Variants in HIVEP2 observed in about 807,000 individuals in gnomAD.
HIVEP2 encodes the protein transcription factor HIVEP2.
Under a neutral mutation model 180.7 loss-of-function variants are expected in HIVEP2, and 14 were observed. The observed-to-expected ratio is 0.08, with a 90% CI of 0.05 to 0.12. HIVEP2 has a LOEUF of 0.12. Among genes scored for constraint, HIVEP2 ranks in the 10% least tolerant of loss-of-function variants. The pLI is 1.00. For synonymous variants in HIVEP2, 1,184 were observed against 1,136.4 expected (o/e 1.04, Z -0.84); for missense variants, 2,579 against 3,008.5 (o/e 0.86, Z 3.34).
chr6:142,889,462 TAAAC>T (rs1188491633), intron 1 of HIVEP2, among the ~76,000 whole-genome samples: 1 of 151,964 alleles, frequency 6.6e-6, no homozygotes, highest in African/African-American at 2.4e-5. Flanking sequence ...TGTCTCAAAA[TAAAC>T]AAACAAAGAA....
intron 2 of HIVEP2, among the ~76,000 whole-genome samples, chr6:142,788,988 G>T (rs967104367): frequency 1.3e-5 from 2 of 152,114 alleles, no homozygotes; most frequent in African/African-American, 4.8e-5. Flanking sequence ...AAATACATTT[G>T]TCAGATGAAA....
chr6:142,872,881 A>G (rs762563772), intron 1 of HIVEP2, among the ~76,000 whole-genome samples: 8 of 152,116 alleles, frequency 5.3e-5, no homozygotes, highest in Non-Finnish European at 8.8e-5. Flanking sequence ...TATTATCCCA[A>G]TGGTTAGCAC....
chr6:142,769,784 A>C lies in HIVEP2; in HGVS notation c.4955T>G (p.Leu1652Trp). The change falls in exon 5 of 10, where the codon TTG (leucine) becomes TGG (tryptophan). Residue 1652 changes from leucine to tryptophan, a missense_variant. Transcript: ENST00000367603. ...RTTTTVSWCFLNYTKPNYVQQ... is the reference protein window; with the variant it reads ...RTTTTVSWCFWNYTKPNYVQQ... ...CACATAATTGGGTTTTGTATAATTC[A>C]AGAAGCACCAACTCACAGTAGTTGT... 1.2e-6 allele frequency: 2 copies of C among 1,614,220 alleles called. No homozygotes were observed. Among genetic ancestry groups the C allele is most frequent in the Non-Finnish European group, 1.7e-6 (2 of 1,180,036 alleles).
At chr6:142,926,985 G>C (rs1316215213) in intron 1 of HIVEP2, among the ~76,000 whole-genome samples, 1 of 151,478 alleles carries the variant, frequency 6.6e-6, no homozygotes, top group Non-Finnish European at 1.5e-5. Context: ...TTCAAGCCGC[G>C]TCCAGGGCAG....
chr6:142,793,442 G>A (rs1776188553), intron 2 of HIVEP2, among the ~76,000 whole-genome samples: 2 of 152,072 alleles, frequency 1.3e-5, no homozygotes, highest in Non-Finnish European at 2.9e-5. Flanking sequence ...AATTGATGAC[G>A]ATATTCTATG....
intron 2 of HIVEP2, among the ~76,000 whole-genome samples, chr6:142,835,208 T>C (rs1775192823): frequency 6.6e-6 from 1 of 152,158 alleles, no homozygotes; most frequent in Admixed American, 6.5e-5. Flanking sequence ...CATCCTTATT[T>C]AATGCAAAAC....
At chr6:142,864,474 C>T (rs1776085095) in intron 1 of HIVEP2, among the ~76,000 whole-genome samples, 1 of 152,182 alleles carries the variant, frequency 6.6e-6, no homozygotes, top group African/African-American at 2.4e-5. Flanking sequence ...TACAGGTCAA[C>T]TCAGCTTTTG....
intron 1 of HIVEP2, among the ~76,000 whole-genome samples, chr6:142,863,980 A>C (rs1274988227): frequency 6.6e-6 from 1 of 152,198 alleles, no homozygotes; most frequent in Non-Finnish European, 1.5e-5. Flanking sequence ...GCTGTAAACA[A>C]AGATCGTGTT....
intron 1 of HIVEP2, among the ~76,000 whole-genome samples, chr6:142,850,872 T>G (rs574027572): frequency 2.6e-4 from 40 of 152,340 alleles, no homozygotes; most frequent in Middle Eastern, 3.4e-3. Context: ...CCCTGAACAC[T>G]GTCGCAGGAC....
chr6:142,834,858 G>A lies in HIVEP2; in HGVS notation c.-528+2077C>T, dbSNP rs570667265. 5.2e-4 allele frequency among the ~76,000 whole-genome samples: 79 copies of A among 152,086 alleles called. No individual in the cohort carries two copies. The South Asian group carries it at 5.2e-3, about 10-fold the overall frequency. On this transcript the variant is annotated intron_variant, in intron 2 of 9. Transcript: ENST00000367603. Reference sequence around the variant, plus strand: ...CATTGAAAAAAAAACCCTCATTTGGGCTAATGCACAGGGCCAGGTTCACTG... The same window carrying A: ...CATTGAAAAAAAAACCCTCATTTGGACTAATGCACAGGGCCAGGTTCACTG...
chr6:142,842,904 G>A (rs78821333), intron 1 of HIVEP2, among the ~76,000 whole-genome samples: 9,767 of 152,058 alleles, frequency 0.064, 422 homozygotes, highest in Non-Finnish European at 0.096. Flanking sequence ...AGAGCCCCCT[G>A]GCCACATTTA....
chr6:142,790,795 A>T (rs563800753), intron 2 of HIVEP2, among the ~76,000 whole-genome samples: 1 of 152,336 alleles, frequency 6.6e-6, no homozygotes, highest in South Asian at 2.1e-4. Context: ...AAGAAAATCC[A>T]TCTTTGAGGG....
At chr6:142,895,076 C>T (rs189754432) in intron 1 of HIVEP2, among the ~76,000 whole-genome samples, 3 of 152,194 alleles carry the variant, frequency 2.0e-5, no homozygotes, top group African/African-American at 7.2e-5. Flanking sequence ...CATCACATTA[C>T]AATTTTAAAA....
rs1189015113 is a variant in HIVEP2, at chr6:142,772,706, A to G, written c.2033T>C (p.Val678Ala). Residue 678 changes from valine to alanine, a missense_variant, in exon 5 of 10, where the codon GTG becomes GCG. Physicochemically the swap from Val to Ala is moderately conservative, Grantham distance 64. Around this residue, in one of 11 missense-constraint regions of HIVEP2, gnomAD observed 524 missense variants for 563.6 expected, o/e 0.93. Coordinates refer to ENST00000367603, the MANE Select transcript of HIVEP2 (RefSeq NM_006734.4). The surrounding 1 kb of genome is among the most constrained non-coding windows in gnomAD (Gnocchi z 4.9). ...KHGGEYFMDP[V>A]VPLQGVPSMF... ...GCTTGGTACTCCCTGCAATGGCACC[A>G]CGGGATCCATGAAATATTCTCCACC... The G allele has an allele frequency of 3.1e-6, 5 of 1,614,066 alleles. No homozygotes were observed. Among genetic ancestry groups the G allele is most frequent in the Admixed American group, 3.3e-5 (2 of 60,004 alleles).
chr6:142,803,596 C>CACACACACACACAG (rs34620210), intron 2 of HIVEP2, among the ~76,000 whole-genome samples: 1 of 151,268 alleles, frequency 6.6e-6, no homozygotes, highest in African/African-American at 2.4e-5. Flanking sequence ...CACACACACA[C>CACACACACACACAG]AAAACTCAGG....
chr6:142,833,512 T>C (rs1775147316), intron 2 of HIVEP2, among the ~76,000 whole-genome samples: 1 of 152,202 alleles, frequency 6.6e-6, no homozygotes, highest in African/African-American at 2.4e-5. Flanking sequence ...GGGTTTCAGA[T>C]GGCTGCAGCA....
In HIVEP2 at chr6:142,881,702, G is replaced by A. The variant is rs140133154; in HGVS notation, c.-640-44655C>T. 3.9e-3 allele frequency among the ~76,000 whole-genome samples: 601 copies of A among 152,228 alleles called. 2 individuals carry two copies. Among genetic ancestry groups the A allele is most frequent in the Middle Eastern group, 0.027 (8 of 294 alleles). On this transcript the variant is annotated intron_variant, in intron 1 of 9. Coordinates refer to ENST00000367603, the MANE Select transcript of HIVEP2 (RefSeq NM_006734.4). Reference sequence around the variant, plus strand: ...ATGTATATTCTTCCAAGTAAAAAGAGTAGAATAAAATATTTCCACTAAAAT... The same window carrying A: ...ATGTATATTCTTCCAAGTAAAAAGAATAGAATAAAATATTTCCACTAAAAT...
chr6:142,809,970 T>C (rs1472829258), intron 2 of HIVEP2, among the ~76,000 whole-genome samples: 2 of 152,202 alleles, frequency 1.3e-5, no homozygotes, highest in South Asian at 4.1e-4. Flanking sequence ...CTAAATCTCT[T>C]AGGGTCATAG....
At chr6:142,936,627 A>G (rs1778062334) in intron 1 of HIVEP2, among the ~76,000 whole-genome samples, 1 of 152,200 alleles carries the variant, frequency 6.6e-6, no homozygotes, top group African/African-American at 2.4e-5. Context: ...ACATACACAC[A>G]TACACATATA....
Sources: gnomAD v4.1 joint callset for allele counts (sites outside exome capture counted in the v4.1 genomes callset) on GRCh38, gnomAD v4.1.1 for gene constraint, gnomAD v4.1.1 regional missense constraint, Gnocchi (gnomAD v3.1) non-coding constraint, MANE v1.5 for transcripts, NCBI Gene and HGNC (gene_info 2026-07-23, HGNC 2026-07-21) for gene names.